Variants in CTNNA3 observed in about 807,000 individuals in gnomAD.
CTNNA3 encodes catenin alpha-3.
Under a neutral mutation model 95.7 loss-of-function variants are expected in CTNNA3, and 76 were observed. That is an observed-to-expected ratio of 0.79 (90% CI 0.66 to 0.96). CTNNA3 has a LOEUF of 0.96. CTNNA3 is among the 40% of genes least tolerant of loss of function. CTNNA3 has a pLI of 0.00. For synonymous variants in CTNNA3, 431 were observed against 374.4 expected (o/e 1.15, Z -1.74); for missense variants, 1,191 against 1,089.8 (o/e 1.09, Z -1.31).
intron 13 of CTNNA3, among the ~76,000 whole-genome samples, chr10:66,243,166 C>A (rs967684906): frequency 1.2e-4 from 19 of 152,136 alleles, no homozygotes; most frequent in African/African-American, 3.9e-4. Flanking sequence ...TTGTGGCAAT[C>A]AGATACATCA....
At chr10:66,199,793 A>ATATATATATATATATATG (rs2087241001) in intron 13 of CTNNA3, among the ~76,000 whole-genome samples, 1 of 14,012 alleles carries the variant, frequency 7.1e-5, no homozygotes, top group Non-Finnish European at 1.3e-4. Context: ...ATATATATAT[A>ATATATATATATATATATG]TATATATATA....
chr10:66,369,740 C>A (rs986134970), intron 12 of CTNNA3, among the ~76,000 whole-genome samples: 1 of 152,012 alleles, frequency 6.6e-6, no homozygotes, highest in Admixed American at 6.6e-5. Context: ...CAACAATATG[C>A]CCTTTCAGCA....
intron 10 of CTNNA3, among the ~76,000 whole-genome samples, chr10:66,591,638 T>C (rs1389893217): frequency 6.6e-6 from 1 of 152,090 alleles, no homozygotes; most frequent in Non-Finnish European, 1.5e-5. Context: ...TCTCAGCTGT[T>C]CCAGCCCTTT....
At chr10:67,508,494 A>G (rs895907875) in intron 5 of CTNNA3, among the ~76,000 whole-genome samples, 2 of 152,224 alleles carry the variant, frequency 1.3e-5, no homozygotes, top group Admixed American at 1.3e-4. Flanking sequence ...CTACATCACA[A>G]ACAAAATTTA....
chr10:67,549,302 G>T (rs1840945671), intron 3 of CTNNA3, among the ~76,000 whole-genome samples: 1 of 151,930 alleles, frequency 6.6e-6, no homozygotes, highest in Admixed American at 6.6e-5. Flanking sequence ...CTCCTTGGGG[G>T]GAATATCAAG....
At chr10:66,199,374 G>C (rs2087171062) in intron 13 of CTNNA3, among the ~76,000 whole-genome samples, 1 of 151,112 alleles carries the variant, frequency 6.6e-6, no homozygotes. Flanking sequence ...GTTGACTCTT[G>C]TGTTTTTGTT....
intron 10 of CTNNA3, among the ~76,000 whole-genome samples, chr10:66,536,136 T>TGAGAGAGA (rs71035152): frequency 7.0e-5 from 10 of 143,842 alleles, no homozygotes; most frequent in African/African-American, 2.3e-4. Context: ...TGAAACGACA[T>TGAGAGAGA]GAGAGAGAGA....
chr10:66,175,663 T>A (rs1298908154), intron 13 of CTNNA3, among the ~76,000 whole-genome samples: 1 of 152,176 alleles, frequency 6.6e-6, no homozygotes, highest in East Asian at 1.9e-4. Flanking sequence ...AACTCACCAG[T>A]CACAATGGAG....
intron 3 of CTNNA3, among the ~76,000 whole-genome samples, chr10:67,575,140 G>A (rs1277092027): frequency 1.3e-5 from 2 of 152,140 alleles, no homozygotes; most frequent in Non-Finnish European, 2.9e-5. Flanking sequence ...ATTGCTTAAA[G>A]TTGTGCTACA....
intron 7 of CTNNA3, among the ~76,000 whole-genome samples, chr10:66,776,909 C>G (rs1840325628): frequency 6.6e-6 from 1 of 152,044 alleles, no homozygotes; most frequent in Non-Finnish European, 1.5e-5. Flanking sequence ...TAGTAACTTA[C>G]ATAGGACTTA....
chr10:66,391,745 T>G (rs968193926), intron 11 of CTNNA3, among the ~76,000 whole-genome samples: 18 of 152,124 alleles, frequency 1.2e-4, no homozygotes, highest in Non-Finnish European at 2.5e-4. Context: ...TTATCTAAAT[T>G]TTTTAAACAA....
chr10:67,566,398 G>A (rs1200600044), intron 3 of CTNNA3, among the ~76,000 whole-genome samples: 1 of 151,782 alleles, frequency 6.6e-6, no homozygotes, highest in African/African-American at 2.4e-5. Flanking sequence ...AGACATTTAT[G>A]CAGCCAAAAA....
At chr10:66,322,319 T>C (rs1335589790) in intron 12 of CTNNA3, among the ~76,000 whole-genome samples, 1 of 152,000 alleles carries the variant, frequency 6.6e-6, no homozygotes, top group East Asian at 1.9e-4. Flanking sequence ...AGGAACTGTG[T>C]TTGCAATGAG....
chr10:67,691,025 G>C lies in CTNNA3; in HGVS notation c.-6+4975C>G, dbSNP rs543560972. 2.4e-4 allele frequency among the ~76,000 whole-genome samples: 37 copies of C among 152,322 alleles called. No homozygotes were observed. In the East Asian group the frequency reaches 6.6e-3, roughly 27 times the overall value. On this transcript the variant is annotated intron_variant, in intron 1 of 17. Transcript: ENST00000433211. Reference sequence around the variant, plus strand: ...TCCTGCCTCAGCCTGCCGAGTGCCTGCGATTGCAGGCGCGCGCCGCCACGC... The same window carrying C: ...TCCTGCCTCAGCCTGCCGAGTGCCTCCGATTGCAGGCGCGCGCCGCCACGC...
chr10:66,642,018 A>C (rs1845532637), intron 9 of CTNNA3, among the ~76,000 whole-genome samples: 1 of 152,220 alleles, frequency 6.6e-6, no homozygotes, highest in African/African-American at 2.4e-5. Flanking sequence ...CTTCTGTGCA[A>C]AAGAACCATT....
At chr10:66,749,999 C>T (rs1363861811) in intron 9 of CTNNA3, among the ~76,000 whole-genome samples, 1 of 152,134 alleles carries the variant, frequency 6.6e-6, no homozygotes, top group East Asian at 1.9e-4. Flanking sequence ...GCTTATTGGA[C>T]ATACGTATAT....
chr10:66,844,849 G>T (rs1843190626), intron 7 of CTNNA3, among the ~76,000 whole-genome samples: 1 of 152,064 alleles, frequency 6.6e-6, no homozygotes, highest in African/African-American at 2.4e-5. Flanking sequence ...CCCTACTATG[G>T]CCCTAACTTT....
chr10:67,549,560 CAAGT>C (rs1185464015), intron 3 of CTNNA3, among the ~76,000 whole-genome samples: 1 of 152,188 alleles, frequency 6.6e-6, no homozygotes, highest in African/African-American at 2.4e-5. Context: ...AGATTCTTAA[CAAGT>C]AAGAGGTCAA....
chr10:67,201,325 A>C (rs527238595), intron 6 of CTNNA3, among the ~76,000 whole-genome samples: 1 of 152,332 alleles, frequency 6.6e-6, no homozygotes, highest in East Asian at 1.9e-4. Flanking sequence ...GAGCAGATCC[A>C]TGCATCTGTA....
Sources: gnomAD v4.1 joint callset for allele counts (sites outside exome capture counted in the v4.1 genomes callset) on GRCh38, gnomAD v4.1.1 for gene constraint, MANE v1.5 for transcripts, NCBI Gene and HGNC (gene_info 2026-07-23, HGNC 2026-07-21) for gene names.